Variants in DNM3 observed in about 807,000 individuals in gnomAD.
DNM3 encodes the protein dynamin 3, also known as dynamin-3.
A neutral mutation model predicts 101.6 loss-of-function variants in DNM3; 47 were observed. The ratio of observed to expected loss-of-function variants is 0.46; its 90% CI spans 0.37 to 0.59. The LOEUF (loss-of-function observed/expected upper bound fraction) is 0.59, where lower values mean the gene tolerates loss of function less well. Among genes scored for constraint, DNM3 ranks in the 20% least tolerant of loss-of-function variants. The pLI is 0.00. For synonymous variants in DNM3, 385 were observed against 387.9 expected, an observed-to-expected ratio of 0.99 and a Z score of 0.09; for missense variants, 849 against 1,085.7, an observed-to-expected ratio of 0.78 and a Z score of 3.06.
At chr1:172,033,071 G>T (rs910667121) in intron 5 of DNM3, 34 bp from the exon 6 acceptor site, 1 of 1,601,178 alleles carries the variant, frequency 6.2e-7, no homozygotes, top group East Asian at 2.2e-5. Flanking sequence ...CACAAAAAGT[G>T]TCCCCAACTC....
At position 172,410,439 on chromosome 1, in the gene DNM3, AAAAT is replaced by A; in HGVS notation, c.*2599_*2602del. 2 of 985,056 alleles carry A rather than the reference AAAAT, an allele frequency of 2.0e-6. No homozygotes were observed. Among genetic ancestry groups the A allele is most frequent in the Non-Finnish European group, 2.4e-6 (2 of 829,582 alleles). 61.0% of individuals were successfully genotyped at this position (985,056 alleles called of 1,614,324 possible). A position where few individuals can be genotyped will look rare whatever the true frequency, so the allele number is the denominator to read the frequency against. ...CTCTATCATGTCTAGCATAATTTAAAAAATCAGTGTTTTTAGGATTTGGGAAAAT... is the reference window on the plus strand; with the variant it reads ...CTCTATCATGTCTAGCATAATTTAAACAGTGTTTTTAGGATTTGGGAAAAT... On this transcript the variant is annotated 3_prime_UTR_variant, in exon 21 of 21. Transcript: ENST00000627582.
intron 14 of DNM3, among the ~76,000 whole-genome samples, chr1:172,189,962 T>C (rs1021154755): frequency 1.3e-5 from 2 of 151,110 alleles, no homozygotes; most frequent in African/African-American, 4.9e-5. Context: ...ATCACCATAA[T>C]CAAATGACCT....
intron 15 of DNM3, among the ~76,000 whole-genome samples, chr1:172,268,815 T>A (rs1001558520): frequency 1.1e-4 from 17 of 152,132 alleles, no homozygotes; most frequent in African/African-American, 3.6e-4. Flanking sequence ...GAGTATGACG[T>A]CCTACTTGGA....
intron 17 of DNM3, among the ~76,000 whole-genome samples, chr1:172,375,880 A>G (rs999852309): frequency 1.3e-5 from 2 of 149,960 alleles, no homozygotes; most frequent in Non-Finnish European, 3.0e-5. Context: ...TGGGCGTGGC[A>G]TGTAGTTACA....
rs573790036 is a variant in DNM3 at position 171,860,657 on chromosome 1, G to C, written c.161+18840G>C. Among the ~76,000 whole-genome samples the C allele has an allele frequency of 2.8e-3, 424 of 152,222 alleles. 2 individuals carry two copies. The highest frequency in any genetic ancestry group is 9.7e-3 in the African/African-American group (404 of 41,538). On this transcript the variant is annotated intron_variant, in intron 1 of 20. Transcript: ENST00000627582. ...ATTGGAGGCAGGCAAAGTAGCAGCA[G>C]AGAGATGGGTTAGGAATCTTTTGCA...
chr1:172,048,675 G>A lies in DNM3; in HGVS notation c.1260G>A (p.Leu420=). 1 of 1,613,622 alleles carries A rather than the reference G, an allele frequency of 6.2e-7. No homozygotes were observed. Among genetic ancestry groups the A allele is most frequent in the Non-Finnish European group, 8.5e-7 (1 of 1,179,680 alleles). Residue 420 remains leucine, a synonymous_variant, in exon 10 of 21, where the codon TTG becomes TTA. Transcript: ENST00000627582. ...TAGTCAAGAAACAGATTGTAAAGTT[G>A]AAAGGGCCTTCCTTGAAGAGTGTGG... ...EAIVKKQIVK[L]KGPSLKSVDL... is the part of the protein sequence containing the mutation.
chr1:172,323,702 T>A (rs2065825233), intron 17 of DNM3, among the ~76,000 whole-genome samples: 1 of 152,196 alleles, frequency 6.6e-6, no homozygotes, highest in African/African-American at 2.4e-5. Flanking sequence ...GCTGAAGTTT[T>A]TGACTAAAAA....
intron 14 of DNM3, among the ~76,000 whole-genome samples, chr1:172,134,371 CAAT>C (rs1447169008): frequency 1.3e-5 from 2 of 152,086 alleles, no homozygotes; most frequent in Admixed American, 6.6e-5. Context: ...AACTCAAACT[CAAT>C]GATGATCTTA....
chr1:171,972,695 C>A (rs1481987397), intron 2 of DNM3, among the ~76,000 whole-genome samples: 1 of 152,014 alleles, frequency 6.6e-6, no homozygotes, highest in African/African-American at 2.4e-5. Context: ...ACTGAAAATA[C>A]AAAATCAGCC....
Position 172,219,347 on chromosome 1 carries a change from C to A in DNM3, c.1660-34226C>A, listed in dbSNP as rs151104761. 6.5e-3 allele frequency among the ~76,000 whole-genome samples: 866 copies of A among 132,422 alleles called. 19 individuals carry two copies. The highest frequency in any genetic ancestry group is 0.025 in the African/African-American group (817 of 33,346). The allele number at this position is 132,422 out of a possible 152,430, so 86.9% of individuals were successfully genotyped here. A position where few individuals can be genotyped will look rare whatever the true frequency, so the allele number is the denominator to read the frequency against. ...ACTGCACTGCAGTATCACTGCACTCCAGCCTGGGTGACAGAGGAATACCCT... is the reference window on the plus strand; with the variant it reads ...ACTGCACTGCAGTATCACTGCACTCAAGCCTGGGTGACAGAGGAATACCCT... On this transcript the variant is annotated intron_variant, in intron 14 of 20. Transcript: ENST00000627582.
At chr1:172,116,857 G>T (rs2055935939) in intron 13 of DNM3, among the ~76,000 whole-genome samples, 1 of 152,144 alleles carries the variant, frequency 6.6e-6, no homozygotes, top group African/African-American at 2.4e-5. Flanking sequence ...CTCTTAAATA[G>T]CATTTCTTAG....
At chr1:171,858,752 A>T (rs1420972585) in intron 1 of DNM3, among the ~76,000 whole-genome samples, 1 of 152,156 alleles carries the variant, frequency 6.6e-6, no homozygotes, top group East Asian at 1.9e-4. Flanking sequence ...GCAGCTGAGG[A>T]TAACGAATGC....
chr1:172,027,617 C>CACACACAGAG (rs34981346), intron 4 of DNM3, among the ~76,000 whole-genome samples: 57 of 147,126 alleles, frequency 3.9e-4, no homozygotes, highest in African/African-American at 1.4e-3. Context: ...CACACACACA[C>CACACACAGAG]AGAGAGAGAG....
intron 2 of DNM3, among the ~76,000 whole-genome samples, chr1:171,923,326 G>A (rs1418337841): frequency 6.6e-6 from 1 of 152,016 alleles, no homozygotes; most frequent in Non-Finnish European, 1.5e-5. Context: ...AGATAAATGT[G>A]TATTCATTTC....
intron 10 of DNM3, among the ~76,000 whole-genome samples, chr1:172,064,515 A>C (rs1220302710): frequency 6.6e-6 from 1 of 152,142 alleles, no homozygotes. Context: ...GAATGAGATC[A>C]TGAAATAATC....
At chr1:171,885,602 G>T (rs1410341142) in intron 1 of DNM3, among the ~76,000 whole-genome samples, 6 of 152,004 alleles carry the variant, frequency 3.9e-5, no homozygotes. Flanking sequence ...TGTTTTTTCT[G>T]GCGTTGCCTA....
At chr1:172,190,011 CTTT>C (rs61413095) in intron 14 of DNM3, among the ~76,000 whole-genome samples, 15 of 134,416 alleles carry the variant, frequency 1.1e-4, no homozygotes, top group African/African-American at 1.4e-4. Context: ...AATCACATTT[CTTT>C]TTTTTTTTTT....
chr1:172,211,468 G>A (rs889882882), intron 14 of DNM3, among the ~76,000 whole-genome samples: 1 of 152,094 alleles, frequency 6.6e-6, no homozygotes, highest in Non-Finnish European at 1.5e-5. Context: ...CCACAGGCGT[G>A]AACTTCTTAA....
At chr1:172,206,321 T>C (rs1158006405) in intron 14 of DNM3, among the ~76,000 whole-genome samples, 1 of 152,118 alleles carries the variant, frequency 6.6e-6, no homozygotes, top group Non-Finnish European at 1.5e-5. Flanking sequence ...GTAAATATAG[T>C]GTTTTTTGAA....
Sources: gnomAD v4.1 joint callset for allele counts (sites outside exome capture counted in the v4.1 genomes callset) on GRCh38, gnomAD v4.1.1 for gene constraint, MANE v1.5 for transcripts, NCBI Gene and HGNC (gene_info 2026-07-23, HGNC 2026-07-21) for gene names.